BMP5: variants seen among roughly 807,000 people sequenced by gnomAD.
BMP5 encodes the protein bone morphogenetic protein 5.
BMP5 carries 23 observed loss-of-function variants against 46.6 expected under a neutral mutation model. The ratio of observed to expected loss-of-function variants is 0.49; its 90% confidence interval spans 0.35 to 0.70. BMP5 has a LOEUF of 0.70. BMP5 is among the 30% of genes least tolerant of loss of function. The probability of loss-of-function intolerance (pLI) is 0.00; values close to 1 mark genes in which losing one functional copy is unlikely to be tolerated. For missense variants in BMP5, 545 were observed against 565.6 expected, an observed-to-expected ratio of 0.96 and a Z score of 0.37; for synonymous variants, 204 against 191.9, an observed-to-expected ratio of 1.06 and a Z score of -0.52.
intron 3 of BMP5, among the ~76,000 whole-genome samples, chr6:55,790,386 C>T (rs1775549791): frequency 6.6e-6 from 1 of 152,270 alleles, no homozygotes; most frequent in East Asian, 1.9e-4. Context: ...GATACAAGTC[C>T]CATGACCTCA....
intron 2 of BMP5, among the ~76,000 whole-genome samples, chr6:55,803,197 G>C (rs1247736556): frequency 6.6e-6 from 1 of 151,890 alleles, no homozygotes; most frequent in Non-Finnish European, 1.5e-5. Context: ...TCGGGAGGCT[G>C]AGGCAGGAGA....
chr6:55,848,928 T>G (rs1777158702), intron 1 of BMP5, among the ~76,000 whole-genome samples: 1 of 152,048 alleles, frequency 6.6e-6, no homozygotes, highest in South Asian at 2.1e-4. Flanking sequence ...TTGAACATAT[T>G]CAGTAACAGA....
At chr6:55,861,901 T>G (rs552408590) in intron 1 of BMP5, among the ~76,000 whole-genome samples, 76 of 152,346 alleles carry the variant, frequency 5.0e-4, no homozygotes, top group African/African-American at 1.7e-3. Flanking sequence ...GAGCTCTGAA[T>G]CCAGTTCTTC....
rs6911585 is a variant in BMP5, at chr6:55,800,317, C to A, written c.684-5890G>T. 9.4e-3 allele frequency among the ~76,000 whole-genome samples: 1,433 copies of A among 152,276 alleles called. 25 individuals carry two copies. The highest frequency in any genetic ancestry group is 0.033 in the African/African-American group (1,374 of 41,542). ...ACAAGGAATACTATATTAATCATTT[C>A]AGACAACATGTGAATTAAAATATGT... On this transcript the variant is annotated intron_variant, in intron 2 of 6. Coordinates refer to ENST00000370830, the MANE Select transcript of BMP5 (RefSeq NM_021073.4).
At chr6:55,768,636 T>A (rs532366117) in intron 4 of BMP5, among the ~76,000 whole-genome samples, 122 of 152,044 alleles carry the variant, frequency 8.0e-4, no homozygotes, top group African/African-American at 2.8e-3. Context: ...CCCTACGAAA[T>A]CACCATGGAT....
intron 4 of BMP5, among the ~76,000 whole-genome samples, chr6:55,766,459 G>T (rs890837284): frequency 6.6e-6 from 1 of 151,886 alleles, no homozygotes; most frequent in African/African-American, 2.4e-5. Context: ...CCTCTCCAGA[G>T]TCCTGGGTTA....
At chr6:55,817,507 A>G (rs1185402452) in intron 2 of BMP5, among the ~76,000 whole-genome samples, 3 of 152,028 alleles carry the variant, frequency 2.0e-5, no homozygotes, top group African/African-American at 7.2e-5. Flanking sequence ...AGGACAAAAA[A>G]CCAAACACCT....
chr6:55,866,578 A>G (rs1325871567), intron 1 of BMP5, among the ~76,000 whole-genome samples: 2 of 152,136 alleles, frequency 1.3e-5, no homozygotes, highest in Non-Finnish European at 2.9e-5. Flanking sequence ...TTTGAAAAAT[A>G]TATTGCTCTT....
At chr6:55,815,216 C>A (rs1947135) in intron 2 of BMP5, among the ~76,000 whole-genome samples, 76,690 of 149,496 alleles carry the variant, frequency 0.51, 21,757 homozygotes, top group African/African-American at 0.78. Context: ...ATTAGTAAAA[C>A]ATTCCAAATA....
intron 2 of BMP5, among the ~76,000 whole-genome samples, chr6:55,805,913 G>A (rs1204046675): frequency 6.6e-6 from 1 of 151,908 alleles, no homozygotes; most frequent in South Asian, 2.1e-4. Flanking sequence ...TTTTGATGGG[G>A]TTATTTTTTT....
intron 1 of BMP5, among the ~76,000 whole-genome samples, chr6:55,827,853 T>C (rs938613606): frequency 6.6e-6 from 1 of 151,864 alleles, no homozygotes; most frequent in African/African-American, 2.4e-5. Context: ...AATGACACTA[T>C]GTACAAATAT....
chr6:55,825,124 A>G (rs1582096264), intron 1 of BMP5, among the ~76,000 whole-genome samples: 7 of 151,972 alleles, frequency 4.6e-5, no homozygotes, highest in Admixed American at 4.6e-4. Context: ...TTGCTTTCCT[A>G]TACCCACACA....
At chr6:55,848,629 A>G (rs73448131) in intron 1 of BMP5, among the ~76,000 whole-genome samples, 1 of 152,072 alleles carries the variant, frequency 6.6e-6, no homozygotes, top group South Asian at 2.1e-4. Context: ...TTGGGAGTTT[A>G]TGCTGTGGTC....
intron 3 of BMP5, among the ~76,000 whole-genome samples, chr6:55,790,379 A>G (rs2127527458): frequency 1.3e-5 from 2 of 152,334 alleles, no homozygotes; most frequent in Middle Eastern, 6.8e-3. Flanking sequence ...AATCAGTGAT[A>G]CAAGTCCCAT....
At chr6:55,799,894 T>C (rs191047660) in intron 2 of BMP5, among the ~76,000 whole-genome samples, 134 of 152,276 alleles carry the variant, frequency 8.8e-4, no homozygotes, top group Admixed American at 3.0e-3. Context: ...TGGGGTAGGT[T>C]TGCACAGACC....
intron 1 of BMP5, among the ~76,000 whole-genome samples, chr6:55,829,449 G>A (rs1227253894): frequency 2.6e-5 from 4 of 151,404 alleles, no homozygotes; most frequent in South Asian, 4.2e-4. Flanking sequence ...ATCTACTGTG[G>A]CACAGCCCTG....
intron 2 of BMP5, among the ~76,000 whole-genome samples, chr6:55,798,109 C>A (rs1393553928): frequency 1.3e-5 from 2 of 152,140 alleles, no homozygotes; most frequent in African/African-American, 4.8e-5. Context: ...TTCTCATCAT[C>A]TTTTCTCCTA....
At chr6:55,821,544 A>C (rs1289067345) in intron 1 of BMP5, among the ~76,000 whole-genome samples, 1 of 152,132 alleles carries the variant, frequency 6.6e-6, no homozygotes, top group East Asian at 1.9e-4. Context: ...CTCTCTGACT[A>C]CAGTAACACC....
chr6:55,860,129 G>T (rs572897516), intron 1 of BMP5, among the ~76,000 whole-genome samples: 1 of 152,192 alleles, frequency 6.6e-6, no homozygotes, highest in Admixed American at 6.5e-5. Context: ...TTAAAAATTA[G>T]CCATGTGCAG....
Sources: gnomAD v4.1 joint callset for allele counts (sites outside exome capture counted in the v4.1 genomes callset) on GRCh38, gnomAD v4.1.1 for gene constraint, MANE v1.5 for transcripts, NCBI Gene and HGNC (gene_info 2026-07-23, HGNC 2026-07-21) for gene names.